Variants in TCERG1L observed in about 807,000 individuals in gnomAD.
The protein encoded by TCERG1L is transcription elongation regulator 1 like, also known as transcription elongation regulator 1-like protein.
Under a neutral mutation model 56.3 loss-of-function variants are expected in TCERG1L, and 37 were observed. The ratio of observed to expected loss-of-function variants is 0.66; its 90% confidence interval spans 0.51 to 0.87. The LOEUF (loss-of-function observed/expected upper bound fraction) is 0.87, where lower values mean the gene tolerates loss of function less well. Among genes scored for constraint, TCERG1L ranks in the 40% least tolerant of loss-of-function variants. The pLI, the probability that TCERG1L is intolerant of heterozygous loss-of-function variation, is 0.00. For synonymous variants in TCERG1L, 324 were observed against 326.3 expected, an observed-to-expected ratio of 0.99 and a Z score of 0.08; for missense variants, 799 against 774.2, an observed-to-expected ratio of 1.03 and a Z score of -0.38.
chr10:131,164,534 G>C (rs1846012147), intron 5 of TCERG1L, among the ~76,000 whole-genome samples: 1 of 152,190 alleles, frequency 6.6e-6, no homozygotes. Flanking sequence ...GAAGTAGCAT[G>C]AGAAACTTTT....
At chr10:131,137,391 G>A (rs78841452) in intron 7 of TCERG1L, among the ~76,000 whole-genome samples, 2,702 of 152,300 alleles carry the variant, frequency 0.018, 34 homozygotes, top group Middle Eastern at 0.037. Context: ...CCTTCTGGCC[G>A]TCTCATTCGG....
intron 4 of TCERG1L, among the ~76,000 whole-genome samples, chr10:131,205,569 C>T (rs1564815193): frequency 1.3e-5 from 2 of 152,208 alleles, no homozygotes; most frequent in Admixed American, 1.3e-4. Flanking sequence ...AAATGCTTCT[C>T]TTAAGTAGCT....
chr10:131,269,786 G>A (rs565152254), intron 3 of TCERG1L, among the ~76,000 whole-genome samples: 2 of 152,246 alleles, frequency 1.3e-5, no homozygotes, highest in Non-Finnish European at 1.5e-5. Context: ...CTGGGAAAAC[G>A]GCACCCACAG....
intron 3 of TCERG1L, among the ~76,000 whole-genome samples, chr10:131,269,649 A>C (rs973542458): frequency 1.3e-5 from 2 of 152,208 alleles, no homozygotes; most frequent in Non-Finnish European, 2.9e-5. Flanking sequence ...GCTCCCCAAA[A>C]CAATCACAAT....
intron 3 of TCERG1L, among the ~76,000 whole-genome samples, chr10:131,266,426 C>T (rs1846286888): frequency 6.6e-6 from 1 of 152,216 alleles, no homozygotes; most frequent in African/African-American, 2.4e-5. Context: ...CAATTCATCT[C>T]ATCCCCATGT....
intron 11 of TCERG1L, 46 bp from the exon 12 acceptor site, chr10:131,093,364 TG>T (rs1157967923): frequency 1.2e-6 from 2 of 1,602,968 alleles, no homozygotes; most frequent in East Asian, 4.5e-5. Flanking sequence ...AGAGCAACTC[TG>T]GCCTCCCCAG....
At chr10:131,139,674 A>G (rs1845712838) in intron 7 of TCERG1L, among the ~76,000 whole-genome samples, 1 of 136,348 alleles carries the variant, frequency 7.3e-6, no homozygotes, top group East Asian at 2.4e-4. Flanking sequence ...AAGGCTATGC[A>G]TATGTGTGTG....
intron 5 of TCERG1L, among the ~76,000 whole-genome samples, chr10:131,165,445 G>A (rs1846020975): frequency 6.6e-6 from 1 of 152,134 alleles, no homozygotes; most frequent in African/African-American, 2.4e-5. Flanking sequence ...AAGTTTGTAA[G>A]TTTACGAATA....
At position 131,114,099 on chromosome 10, in the gene TCERG1L, G is replaced by A. The variant is rs181648817; in HGVS notation, c.1395+2700C>T. Among the ~76,000 whole-genome samples, 332 of 142,336 alleles carry A rather than the reference G, an allele frequency of 2.3e-3. 34 individuals are homozygous for A. The highest frequency in any genetic ancestry group is 7.7e-3 in the African/African-American group (313 of 40,402). 93.4% of individuals were successfully genotyped at this position (142,336 alleles called of 152,430 possible). On this transcript the variant is annotated intron_variant, in intron 9 of 11. Transcript: ENST00000368642. ...GCCCCAGGGCACAATCCCCGTGGCA[G>A]GGCCCAAACTCTGCCCTTTTTAAAC...
chr10:131,245,097 C>A (rs1589759853), intron 4 of TCERG1L, among the ~76,000 whole-genome samples: 1 of 152,206 alleles, frequency 6.6e-6, no homozygotes, highest in East Asian at 1.9e-4. Flanking sequence ...GCTACCCTGC[C>A]CCCGGCCACA....
chr10:131,135,978 T>C, intron 7 of TCERG1L, among the ~76,000 whole-genome samples: 1 of 152,228 alleles, frequency 6.6e-6, no homozygotes, highest in East Asian at 1.9e-4. Flanking sequence ...ACTCCGGAGC[T>C]GGACTGCTGT....
At position 131,203,269 on chromosome 10, in the gene TCERG1L, C is replaced by T. The variant is rs79373848; in HGVS notation, c.857-36384G>A. Among the ~76,000 whole-genome samples the T allele has an allele frequency of 4.1e-5, 6 of 144,942 alleles. No individual in the cohort carries two copies. In the East Asian group the frequency reaches 6.3e-4, roughly 15 times the overall value. ...ATGACCTCACTTAAGACTTCCAGTA[C>T]GTCCCACTGCACTCTCGCATGGGTG... On this transcript the variant is annotated intron_variant, in intron 4 of 11. Transcript: ENST00000368642.
intron 8 of TCERG1L, among the ~76,000 whole-genome samples, chr10:131,117,192 A>G (rs1267184035): frequency 6.6e-6 from 1 of 152,170 alleles, no homozygotes; most frequent in Non-Finnish European, 1.5e-5. Flanking sequence ...CTGCAGCTCA[A>G]GTGCAGGTGG....
chr10:131,136,064 G>T (rs567666640), intron 7 of TCERG1L, among the ~76,000 whole-genome samples: 1 of 152,162 alleles, frequency 6.6e-6, no homozygotes, highest in African/African-American at 2.4e-5. Flanking sequence ...CCATGCTAAC[G>T]AAAATGCCTC....
chr10:131,284,915 G>T (rs1271945504), intron 3 of TCERG1L, among the ~76,000 whole-genome samples: 3 of 152,086 alleles, frequency 2.0e-5, no homozygotes, highest in African/African-American at 7.2e-5. Flanking sequence ...ACATAGGAAA[G>T]ATGAGGTTCT....
At chr10:131,147,010 T>A (rs1845802247) in intron 6 of TCERG1L, among the ~76,000 whole-genome samples, 2 of 152,146 alleles carry the variant, frequency 1.3e-5, no homozygotes, top group South Asian at 4.1e-4. Context: ...CAGAGCACTC[T>A]GGGGCGCCTC....
intron 4 of TCERG1L, among the ~76,000 whole-genome samples, chr10:131,243,074 T>C (rs923160865): frequency 6.6e-6 from 1 of 152,182 alleles, no homozygotes; most frequent in African/African-American, 2.4e-5. Context: ...ATTTAAAGAA[T>C]AGTTAGTTCT....
At chr10:131,179,254 G>A (rs1845144488) in intron 4 of TCERG1L, among the ~76,000 whole-genome samples, 1 of 152,260 alleles carries the variant, frequency 6.6e-6, no homozygotes, top group Non-Finnish European at 1.5e-5. Context: ...CAGCACCTGT[G>A]TGTTTCCCAG....
intron 4 of TCERG1L, among the ~76,000 whole-genome samples, chr10:131,197,617 A>C (rs1361197612): frequency 6.6e-6 from 1 of 152,176 alleles, no homozygotes; most frequent in Non-Finnish European, 1.5e-5. Context: ...TTTTCATTAT[A>C]TCCCAGTCTT....
Sources: gnomAD v4.1 joint callset for allele counts (sites outside exome capture counted in the v4.1 genomes callset) on GRCh38, gnomAD v4.1.1 for gene constraint, MANE v1.5 for transcripts, NCBI Gene and HGNC (gene_info 2026-07-23, HGNC 2026-07-21) for gene names.